The following TRPC7 variants were observed in gnomAD, a reference collection of about 807,000 sequenced individuals.
TRPC7 encodes transient receptor potential cation channel subfamily C member 7, also known as short transient receptor potential channel 7.
In TRPC7, 42 loss-of-function variants were observed where a neutral mutation model predicts 90.1. That is an observed-to-expected ratio of 0.47 (90% CI 0.36 to 0.60). The LOEUF (loss-of-function observed/expected upper bound fraction) is 0.60, where lower values mean the gene tolerates loss of function less well. TRPC7 is among the 20% of genes least tolerant of loss of function. The pLI, the probability that TRPC7 is intolerant of heterozygous loss-of-function variation, is 0.00. For missense variants in TRPC7, 955 were observed against 1,112.3 expected (o/e 0.86, Z 2.01); for synonymous variants, 451 against 436.3 (o/e 1.03, Z -0.42).
intron 2 of TRPC7, among the ~76,000 whole-genome samples, chr5:136,354,554 C>A (rs1760304004): frequency 6.6e-6 from 1 of 152,304 alleles, no homozygotes; most frequent in East Asian, 1.9e-4. Context: ...CTACATACAA[C>A]AAAATTTTCT....
intron 2 of TRPC7, among the ~76,000 whole-genome samples, chr5:136,344,015 CAG>C (rs1477065877): frequency 6.6e-6 from 1 of 152,100 alleles, no homozygotes; most frequent in Non-Finnish European, 1.5e-5. Flanking sequence ...GTAGCAAAGA[CAG>C]AGAATCAACC....
intron 5 of TRPC7, among the ~76,000 whole-genome samples, chr5:136,260,602 A>G (rs1006773621): frequency 3.9e-5 from 6 of 152,170 alleles, no homozygotes; most frequent in African/African-American, 1.4e-4. Flanking sequence ...GGTCATAGAG[A>G]TGGAGTGGAG....
intron 3 of TRPC7, among the ~76,000 whole-genome samples, chr5:136,296,146 G>C (rs1442581355): frequency 6.6e-6 from 1 of 152,154 alleles, no homozygotes; most frequent in Non-Finnish European, 1.5e-5. Context: ...GTGGACAGCT[G>C]GGGGTGGGGC....
At chr5:136,344,780 T>A (rs1432650053) in intron 2 of TRPC7, among the ~76,000 whole-genome samples, 1 of 152,136 alleles carries the variant, frequency 6.6e-6, no homozygotes, top group Admixed American at 6.5e-5. Context: ...GCCTCCTTTG[T>A]GGTAACAACA....
chr5:136,313,297 G>C (rs36139242), intron 3 of TRPC7, among the ~76,000 whole-genome samples: 13,208 of 152,116 alleles, frequency 0.087, 731 homozygotes, highest in Non-Finnish European at 0.13. Flanking sequence ...GAATTAATGG[G>C]TTGATTTTAT....
chr5:136,270,221 G>A (rs946899472), intron 4 of TRPC7, among the ~76,000 whole-genome samples: 16 of 152,180 alleles, frequency 1.1e-4, no homozygotes, highest in Non-Finnish European at 2.9e-5. Flanking sequence ...ATTAAGTGCA[G>A]ATCTCTGGAG....
In TRPC7 at chr5:136,365,330, C is replaced by T; in HGVS notation, c.-76G>A. 6.8e-7 allele frequency: 1 copy of T among 1,472,470 alleles called. No individual in the cohort carries two copies. The highest frequency in any genetic ancestry group is 9.2e-7 in the Non-Finnish European group (1 of 1,088,062). The allele number at this position is 1,472,470 out of a possible 1,614,324, so 91.2% of individuals were successfully genotyped here. A position where few individuals can be genotyped will look rare whatever the true frequency, so the allele number is the denominator to read the frequency against. On this transcript the variant is annotated 5_prime_UTR_variant, in exon 1 of 12. Coordinates refer to ENST00000513104, the MANE Select transcript of TRPC7 (RefSeq NM_020389.3). ...TGTTGAGTCGCCAGAAGCTGGCTCCCCATGGGTGGTAGCCAAGGATGTACC... is the reference window on the plus strand; with the variant it reads ...TGTTGAGTCGCCAGAAGCTGGCTCCTCATGGGTGGTAGCCAAGGATGTACC...
intron 10 of TRPC7, 127 bp from the exon 11 acceptor site, chr5:136,216,402 C>T (rs888089652): frequency 1.9e-5 from 14 of 734,088 alleles, no homozygotes; most frequent in African/African-American, 1.4e-4. Flanking sequence ...CCATGCCTGG[C>T]GCCTCACTCT....
At chr5:136,269,382 C>T (rs1371128289) in intron 4 of TRPC7, among the ~76,000 whole-genome samples, 1 of 152,184 alleles carries the variant, frequency 6.6e-6, no homozygotes, top group Admixed American at 6.5e-5. Flanking sequence ...TTGGGGTGGG[C>T]ACCTGCGTTT....
intron 1 of TRPC7, among the ~76,000 whole-genome samples, chr5:136,360,874 T>C (rs1370241240): frequency 2.0e-5 from 3 of 152,214 alleles, no homozygotes. Context: ...TGACTCCCTC[T>C]TACCCTAATA....
intron 4 of TRPC7, among the ~76,000 whole-genome samples, chr5:136,272,266 A>T (rs1757234286): frequency 6.6e-6 from 1 of 152,206 alleles, no homozygotes; most frequent in Non-Finnish European, 1.5e-5. Context: ...CTGCCAGCCC[A>T]TTAACAGACT....
intron 2 of TRPC7, among the ~76,000 whole-genome samples, chr5:136,322,729 G>T (rs921062283): frequency 6.6e-6 from 1 of 152,080 alleles, no homozygotes; most frequent in African/African-American, 2.4e-5. Flanking sequence ...TTCCCTAATG[G>T]CTAATAATGC....
At chr5:136,287,723 A>AAACC (rs1561702548) in intron 3 of TRPC7, among the ~76,000 whole-genome samples, 1 of 127,662 alleles carries the variant, frequency 7.8e-6, no homozygotes, top group Non-Finnish European at 1.7e-5. Flanking sequence ...AAAAAAAAAA[A>AAACC]AAAAAACCCA....
intron 3 of TRPC7, among the ~76,000 whole-genome samples, chr5:136,290,216 ACT>A (rs1388272237): frequency 2.0e-5 from 3 of 152,132 alleles, no homozygotes; most frequent in Admixed American, 6.5e-5. Flanking sequence ...AAAACTGGAA[ACT>A]CTAAAAATCA....
intron 1 of TRPC7, among the ~76,000 whole-genome samples, chr5:136,362,634 G>A (rs566684010): frequency 1.4e-4 from 21 of 152,204 alleles, no homozygotes; most frequent in African/African-American, 4.8e-4. Flanking sequence ...CCACTTTTCC[G>A]AAGCTACACA....
intron 7 of TRPC7, among the ~76,000 whole-genome samples, chr5:136,243,064 T>C (rs985453742): frequency 2.0e-5 from 3 of 152,150 alleles, no homozygotes; most frequent in South Asian, 2.1e-4. Context: ...CAGGCCTTGG[T>C]TGAGGGTTGG....
At chr5:136,219,957 T>G (rs993070702) in intron 10 of TRPC7, among the ~76,000 whole-genome samples, 2 of 152,186 alleles carry the variant, frequency 1.3e-5, no homozygotes, top group Non-Finnish European at 1.5e-5. Flanking sequence ...GGACCCTGAA[T>G]GGAGGGAACG....
chr5:136,300,311 G>A (rs1025585256), intron 3 of TRPC7, among the ~76,000 whole-genome samples: 1 of 152,184 alleles, frequency 6.6e-6, no homozygotes, highest in African/African-American at 2.4e-5. Context: ...AGTTGAGCTG[G>A]CAGGGTGTGG....
chr5:136,334,682 C>A (rs1388583192), intron 2 of TRPC7, among the ~76,000 whole-genome samples: 1 of 152,242 alleles, frequency 6.6e-6, no homozygotes, highest in African/African-American at 2.4e-5. Context: ...ATATTTTTAA[C>A]ACTTATACTT....
Sources: gnomAD v4.1 joint callset for allele counts (sites outside exome capture counted in the v4.1 genomes callset) on GRCh38, gnomAD v4.1.1 for gene constraint, MANE v1.5 for transcripts, NCBI Gene and HGNC (gene_info 2026-07-23, HGNC 2026-07-21) for gene names.